EBF4: variants seen among roughly 807,000 people sequenced by gnomAD.
EBF4 encodes EBF transcription factor 4.
A neutral mutation model predicts 67.1 loss-of-function variants in EBF4; 34 were observed. The ratio of observed to expected loss-of-function variants is 0.51; its 90% CI spans 0.39 to 0.67. The LOEUF is 0.67. Among genes scored for constraint, EBF4 ranks in the 30% least tolerant of loss-of-function variants. The pLI is 0.00. For missense variants in EBF4, 837 were observed against 873.3 expected, an observed-to-expected ratio of 0.96 and a Z score of 0.52; for synonymous variants, 387 against 377.7, an observed-to-expected ratio of 1.02 and a Z score of -0.29.
chr20:2,709,148 C>T (rs2087502467), intron 5 of EBF4, among the ~76,000 whole-genome samples: 2 of 152,176 alleles, frequency 1.3e-5, no homozygotes, highest in Non-Finnish European at 2.9e-5. Context: ...CATCACGTCA[C>T]TGTACTCCAG....
rs146704792 is a variant in EBF4, at chr20:2,729,973, T to C, written c.558-18576T>C. ...GCTCTGGAATGTGGATCCCACTCTG[T>C]GGCAAGGACACAGTCTTTGGCAGCT... On this transcript the variant is annotated intron_variant, in intron 6 of 16. Transcript: ENST00000609451. 8.3e-4 allele frequency among the ~76,000 whole-genome samples: 126 copies of C among 152,270 alleles called. 1 individual carries two copies. Among genetic ancestry groups the C allele is most frequent in the African/African-American group, 2.9e-3 (121 of 41,560 alleles).
chr20:2,744,487 C>CTTTTTTTTTTTTTT (rs778840182), intron 6 of EBF4, among the ~76,000 whole-genome samples: 4 of 111,492 alleles, frequency 3.6e-5, no homozygotes, highest in Non-Finnish European at 5.1e-5. Flanking sequence ...TTCTTTTTTT[C>CTTTTTTTTTTTTTT]TTTTCTTTTT....
chr20:2,699,901 G>A (rs1480251793), intron 1 of EBF4, among the ~76,000 whole-genome samples: 1 of 152,210 alleles, frequency 6.6e-6, no homozygotes, highest in Non-Finnish European at 1.5e-5. Flanking sequence ...TGAATGGCTG[G>A]CAGTTGGTAC....
In EBF4 at chr20:2,745,471, A is replaced by G. The variant is rs2088036687; in HGVS notation, c.558-3078A>G. ...GGCTCAAACACTGAGGTGTCCCCAT[A>G]GACAGAGGTGCTGGCAGGTCCCTAG... On this transcript the variant is annotated intron_variant, in intron 6 of 16. Coordinates refer to ENST00000609451, the Ensembl canonical transcript of EBF4. This position sits in a 1 kb window ranked among gnomAD's most constrained non-coding sequence, Gnocchi z 5.2. Among the ~76,000 whole-genome samples, 1 of 152,208 alleles carries G rather than the reference A, an allele frequency of 6.6e-6. No homozygotes were observed. Among genetic ancestry groups the G allele is most frequent in the East Asian group, 1.9e-4 (1 of 5,200 alleles).
chr20:2,734,163 T>A (rs1034952121), intron 6 of EBF4, among the ~76,000 whole-genome samples: 1 of 152,170 alleles, frequency 6.6e-6, no homozygotes, highest in Non-Finnish European at 1.5e-5. Context: ...ATCCCAGCAT[T>A]TTGGTAGGCA....
chr20:2,752,218 C>A (rs2088161931), exon 13 of EBF4: 3 of 1,375,528 alleles, frequency 2.2e-6, no homozygotes, highest in Non-Finnish European at 2.8e-6. Flanking sequence ...CTTCAGCAGC[C>A]CGCTGGCCAT....
intron 10 of EBF4, 60 bp downstream of exon 10, chr20:2,750,033 C>A: frequency 6.7e-7 from 1 of 1,493,380 alleles, no homozygotes; most frequent in South Asian, 1.3e-5. Context: ...CCACCCTGCG[C>A]ACTGGTCTCC....
Position 2,751,404 on chromosome 20 carries a change from C to T in EBF4, c.1019-296C>T, listed in dbSNP as rs947301166. 1.3e-5 allele frequency among the ~76,000 whole-genome samples: 2 copies of T among 152,224 alleles called. No homozygotes were observed. Among genetic ancestry groups the T allele is most frequent in the African/African-American group, 4.8e-5 (2 of 41,452 alleles). On this transcript the variant is annotated intron_variant, in intron 10 of 16. Transcript: ENST00000609451. This position sits in a 1 kb window ranked among gnomAD's most constrained non-coding sequence, Gnocchi z 5.2. ...TATAACTCATATGTGTATACGGTTT[C>T]CCTTTTTTCTAATCACAAATGGGTG...
intron 6 of EBF4, among the ~76,000 whole-genome samples, chr20:2,716,508 G>A (rs1306482025): frequency 2.7e-5 from 4 of 146,324 alleles, no homozygotes; most frequent in Admixed American, 1.4e-4. Context: ...CAGCCTGGGC[G>A]ACAAGAGTGA....
At chr20:2,744,757 G>A (rs1273603447) in intron 6 of EBF4, among the ~76,000 whole-genome samples, 1 of 151,944 alleles carries the variant, frequency 6.6e-6, no homozygotes, top group East Asian at 1.9e-4. Context: ...CTCCCAAAAT[G>A]CTGGGATTAC....
intron 6 of EBF4, among the ~76,000 whole-genome samples, chr20:2,711,896 A>T (rs2087549356): frequency 2.0e-5 from 3 of 152,246 alleles, no homozygotes. Context: ...CACTGAAAAG[A>T]TGACATTTGA....
At chr20:2,737,956 C>T (rs1310740121) in intron 6 of EBF4, among the ~76,000 whole-genome samples, 4 of 137,660 alleles carry the variant, frequency 2.9e-5, no homozygotes, top group Admixed American at 7.9e-5. Context: ...CAGAGCGAGA[C>T]TCCATTTCAA....
intron 6 of EBF4, among the ~76,000 whole-genome samples, chr20:2,724,474 G>A (rs1037008321): frequency 1.3e-5 from 2 of 152,090 alleles, no homozygotes; most frequent in Non-Finnish European, 2.9e-5. Flanking sequence ...GAAAAGATTG[G>A]CTGGTAATAA....
intron 6 of EBF4, among the ~76,000 whole-genome samples, chr20:2,740,139 G>T (rs1438352220): frequency 6.6e-6 from 1 of 152,116 alleles, no homozygotes; most frequent in African/African-American, 2.4e-5. Flanking sequence ...ATGGTGAAAC[G>T]CTGTCTCTAC....
Position 2,747,490 on chromosome 20 carries a change from G to GT in EBF4, c.558-1052dup, listed in dbSNP as rs1177267071. 1.3e-5 allele frequency among the ~76,000 whole-genome samples: 2 copies of GT among 152,022 alleles called. No individual in the cohort carries two copies. The highest frequency in any genetic ancestry group is 6.6e-5 in the Admixed American group (1 of 15,262). ...AAAGCAACCTCATCAGCGCATATGT[G>GT]TTTTTTTCCCAATAACTCTATGTAA... On this transcript the variant is annotated intron_variant, in intron 6 of 16. Transcript: ENST00000609451. The surrounding 1 kb of genome is among the most constrained non-coding windows in gnomAD (Gnocchi z 4.6).
intron 1 of EBF4, among the ~76,000 whole-genome samples, chr20:2,704,651 A>G (rs1373383999): frequency 2.6e-5 from 4 of 152,206 alleles, no homozygotes; most frequent in Non-Finnish European, 4.4e-5. Flanking sequence ...TTCATCTCCC[A>G]TAAAAAGAAT....
chr20:2,699,640 A>C (rs1170483829), intron 1 of EBF4, among the ~76,000 whole-genome samples: 1 of 152,250 alleles, frequency 6.6e-6, no homozygotes, highest in Non-Finnish European at 1.5e-5. Flanking sequence ...TTCATTTTGC[A>C]GTCTTGCAGA....
chr20:2,750,389 G>A (rs1221748547), intron 10 of EBF4, among the ~76,000 whole-genome samples: 1 of 152,128 alleles, frequency 6.6e-6, no homozygotes, highest in Non-Finnish European at 1.5e-5. Flanking sequence ...GTTCCCCCAC[G>A]CTACCCCAGG....
rs764799234 is a variant in EBF4 at position 2,747,517 on chromosome 20, AAAG to A, written c.558-1027_558-1025del. On this transcript the variant is annotated intron_variant, in intron 6 of 16. Transcript: ENST00000609451. This position sits in a 1 kb window ranked among gnomAD's most constrained non-coding sequence, Gnocchi z 4.6. Reference sequence around the variant, plus strand: ...TTTTTTCCCAATAACTCTATGTAAAAAAGAAGACATTCACGGTGTCTCTGTACC... The same window carrying A: ...TTTTTTCCCAATAACTCTATGTAAAAAAGACATTCACGGTGTCTCTGTACC... Among the ~76,000 whole-genome samples the A allele has an allele frequency of 1.4e-4, 21 of 152,142 alleles. No individual in the cohort carries two copies. The highest frequency in any genetic ancestry group is 2.9e-4 in the Non-Finnish European group (20 of 68,018).
Sources: allele counts gnomAD v4.1 joint callset (sites outside exome capture counted in the v4.1 genomes callset), GRCh38; gene constraint gnomAD v4.1.1; non-coding constraint Gnocchi (gnomAD v3.1); transcripts MANE v1.5; gene names NCBI Gene and HGNC (gene_info 2026-07-23, HGNC 2026-07-21).